Variants in FAM114A1 observed in about 807,000 individuals in gnomAD.
FAM114A1 encodes the protein family with sequence similarity 114 member A1.
In FAM114A1, 62 loss-of-function variants were observed where a neutral mutation model predicts 64.3. That is an observed-to-expected ratio of 0.96 (90% CI 0.79 to 1.19). The LOEUF (loss-of-function observed/expected upper bound fraction) is 1.19. Among genes scored for constraint, FAM114A1 ranks in the 50% most tolerant of loss-of-function variants. The pLI is 0.00. For missense variants in FAM114A1, 645 were observed against 676.3 expected (o/e 0.95, Z 0.51); for synonymous variants, 254 against 251.1 (o/e 1.01, Z -0.11).
At chr4:38,922,256 A>T (rs937495185) in intron 8 of FAM114A1, among the ~76,000 whole-genome samples, 2 of 152,210 alleles carry the variant, frequency 1.3e-5, no homozygotes, top group East Asian at 1.9e-4. Context: ...ATGTATATTT[A>T]TAAGTATTGA....
chr4:38,890,814 G>T (rs1716290988), intron 3 of FAM114A1, among the ~76,000 whole-genome samples: 1 of 152,150 alleles, frequency 6.6e-6, no homozygotes, highest in South Asian at 2.1e-4. Flanking sequence ...AGCTCTGAGA[G>T]TATATCAGTG....
At chr4:38,941,418 G>A (rs1273631928) in intron 14 of FAM114A1, among the ~76,000 whole-genome samples, 1 of 152,150 alleles carries the variant, frequency 6.6e-6, no homozygotes, top group African/African-American at 2.4e-5. Context: ...TGGTTTAGCT[G>A]GGTCTAATGT....
At chr4:38,937,340 A>G (rs920905687) in intron 13 of FAM114A1, among the ~76,000 whole-genome samples, 1 of 152,242 alleles carries the variant, frequency 6.6e-6, no homozygotes, top group African/African-American at 2.4e-5. Context: ...GGTAGCCCCA[A>G]GTGTTCCTTG....
At position 38,943,457 on chromosome 4, in the gene FAM114A1, G is replaced by A. The variant is rs981096656; in HGVS notation, c.1592G>A (p.Gly531Asp). Residue 531 changes from glycine to aspartate, a missense_variant and splice_region_variant, in exon 15 of 15, where the codon GGC becomes GAC. Physicochemically the swap from Gly to Asp is moderately conservative, Grantham distance 94. Coordinates refer to ENST00000358869, the MANE Select transcript of FAM114A1 (RefSeq NM_138389.4). ...AACCTCATTTTTCTCCTCTCACAGG[G>A]CTGCAACAGTACAACGTACATACAG... The part of the protein sequence containing the change: ...NPMISSVLLE[G>D]CNSTTYIQDA... 1 of 1,613,842 alleles carries A rather than the reference G, an allele frequency of 6.2e-7. No individual in the cohort carries two copies. Among genetic ancestry groups the A allele is most frequent in the East Asian group, 2.2e-5 (1 of 44,860 alleles).
intron 8 of FAM114A1, among the ~76,000 whole-genome samples, chr4:38,921,864 T>C (rs953251273): frequency 1.3e-5 from 2 of 150,816 alleles, no homozygotes; most frequent in African/African-American, 4.9e-5. Context: ...ATAACTGACA[T>C]CTAGCAAGTA....
At chr4:38,891,678 A>G (rs1716407868) in intron 3 of FAM114A1, 65 bp from the exon 4 acceptor site, 2 of 1,378,408 alleles carry the variant, frequency 1.5e-6, no homozygotes, top group Middle Eastern at 1.9e-4. Context: ...TTTCAAACCA[A>G]TAGGTGTTTT....
At chr4:38,878,015 G>A in intron 2 of FAM114A1, 56 bp from the exon 3 acceptor site, 2 of 1,351,162 alleles carry the variant, frequency 1.5e-6, no homozygotes, top group Non-Finnish European at 2.0e-6. Context: ...CCAGGGCTTT[G>A]AATTGAAGCT....
In FAM114A1 at chr4:38,929,710, A is replaced by G. The variant is rs1720475316; in HGVS notation, c.1161+377A>G. ...GAGAATCGCTTGAACCCAGGAGGCC[A>G]AGGTTGCAGGGAGCTGAGATTGTGC... On this transcript the variant is annotated intron_variant, in intron 10 of 14. Coordinates refer to ENST00000358869, the MANE Select transcript of FAM114A1 (RefSeq NM_138389.4). Among the ~76,000 whole-genome samples, 3 of 152,194 alleles carry G rather than the reference A, an allele frequency of 2.0e-5. No individual in the cohort carries two copies. In the South Asian group the frequency reaches 6.2e-4, roughly 31 times the overall value.
chr4:38,902,586 A>G (rs1717616717), intron 4 of FAM114A1, among the ~76,000 whole-genome samples: 1 of 152,244 alleles, frequency 6.6e-6, no homozygotes, highest in Non-Finnish European at 1.5e-5. Flanking sequence ...AAAATGATAC[A>G]TTATCGAAGC....
intron 14 of FAM114A1, 75 bp from the exon 15 acceptor site, chr4:38,943,381 C>T: frequency 7.8e-7 from 1 of 1,280,432 alleles, no homozygotes. Flanking sequence ...AGAGTGGGAA[C>T]ATTATCCAAT....
rs1721901598 is a variant in FAM114A1, at chr4:38,945,586, A to C, written c.*2029A>C. 1 of 152,208 alleles carries C rather than the reference A, an allele frequency of 6.6e-6. No individual in the cohort carries two copies. The highest frequency in any genetic ancestry group is 2.4e-5 in the African/African-American group (1 of 41,456). The allele number at this position is 152,208 out of a possible 1,614,324, so 9.4% of individuals were successfully genotyped here. A position where few individuals can be genotyped will look rare whatever the true frequency, so the allele number is the denominator to read the frequency against. On this transcript the variant is annotated 3_prime_UTR_variant, in exon 15 of 15. Transcript: ENST00000358869. ...CATACAGGCAAAGTAAGGATATTTT[A>C]ATATCATCCTACTTCTTATTAGCAT... is the stretch of plus-strand genomic sequence containing the variant.
intron 4 of FAM114A1, 135 bp downstream of exon 4, chr4:38,891,965 G>C: frequency 1.5e-6 from 1 of 645,206 alleles, no homozygotes; most frequent in Non-Finnish European, 2.4e-6. Flanking sequence ...ACTATTCTAA[G>C]TGCTTCATTT....
chr4:38,904,416 C>T (rs138677446), intron 4 of FAM114A1, among the ~76,000 whole-genome samples: 300 of 152,256 alleles, frequency 2.0e-3, no homozygotes, highest in African/African-American at 6.8e-3. Flanking sequence ...GGGGTTTTTC[C>T]CTGTGGGTAG....
At position 38,879,423 on chromosome 4, in the gene FAM114A1, AC is replaced by A. The variant is rs561953381; in HGVS notation, c.348+998del. ...CATTAACTCCATGAGCTTGGGCCAG[AC>A]AAACTAATGTCTCTGCGCTTCAGGT... On this transcript the variant is annotated intron_variant, in intron 3 of 14. Transcript: ENST00000358869. 2.0e-5 allele frequency among the ~76,000 whole-genome samples: 3 copies of A among 152,340 alleles called. No individual in the cohort carries two copies. In the South Asian group the frequency reaches 6.2e-4, roughly 32 times the overall value.
chr4:38,930,899 G>A (rs1172690043), intron 10 of FAM114A1, among the ~76,000 whole-genome samples: 2 of 152,116 alleles, frequency 1.3e-5, no homozygotes, highest in African/African-American at 2.4e-5. Context: ...GACCTTTCCA[G>A]CAGCGCTTCT....
At chr4:38,892,506 G>A (rs1579320738) in intron 4 of FAM114A1, among the ~76,000 whole-genome samples, 1 of 152,162 alleles carries the variant, frequency 6.6e-6, no homozygotes, top group African/African-American at 2.4e-5. Flanking sequence ...TATACAAAGA[G>A]AAAATATGAT....
intron 3 of FAM114A1, among the ~76,000 whole-genome samples, chr4:38,880,756 A>T (rs1444574013): frequency 1.3e-5 from 2 of 152,254 alleles, no homozygotes; most frequent in East Asian, 1.9e-4. Context: ...TAAGAAAAAT[A>T]TAACTTAGCC....
chr4:38,911,801 A>G (rs1718551630), intron 7 of FAM114A1, among the ~76,000 whole-genome samples: 1 of 147,620 alleles, frequency 6.8e-6, no homozygotes, highest in Non-Finnish European at 1.5e-5. Context: ...CTAGTGGCAC[A>G]GGGAATACTC....
At chr4:38,932,658 A>T (rs1254061983) in intron 12 of FAM114A1, among the ~76,000 whole-genome samples, 2 of 151,854 alleles carry the variant, frequency 1.3e-5, no homozygotes, top group Non-Finnish European at 2.9e-5. Context: ...CACCACATCC[A>T]GCTAATTTTT....
Sources: gnomAD v4.1 joint callset for allele counts (sites outside exome capture counted in the v4.1 genomes callset) on GRCh38, gnomAD v4.1.1 for gene constraint, MANE v1.5 for transcripts, NCBI Gene and HGNC (gene_info 2026-07-23, HGNC 2026-07-21) for gene names.